AKNA: variants seen among roughly 807,000 people sequenced by gnomAD.
AKNA encodes the protein AT-hook transcription factor.
AKNA carries 67 observed loss-of-function variants against 138.8 expected under a neutral mutation model. The ratio of observed to expected loss-of-function variants is 0.48; its 90% confidence interval spans 0.40 to 0.59. AKNA has a LOEUF of 0.59. AKNA is among the 20% of genes least tolerant of loss of function. The pLI is 0.00. For missense variants in AKNA, 1,813 were observed against 1,880.4 expected (o/e 0.96, Z 0.66); for synonymous variants, 737 against 754.4 (o/e 0.98, Z 0.38).
At position 114,381,233 on chromosome 9, in the gene AKNA, T is replaced by C; in HGVS notation, c.101A>G (p.Asp34Gly). Residue 34 changes from aspartate to glycine, a missense_variant, in exon 2 of 22, where the codon GAT (aspartate) becomes GGT (glycine). Transcript: ENST00000374088. Reference protein sequence around the residue: ...WAWAEDKRDVDRSSSQSWEEE... With the variant: ...WAWAEDKRDVGRSSSQSWEEE... ...TTCCCAGCTTTGTGAACTACTTCTA[T>C]CCACATCCCTCTTGTCCTCGGCCCA... 1 of 1,614,168 alleles carries C rather than the reference T, an allele frequency of 6.2e-7. No homozygotes were observed. The highest frequency in any genetic ancestry group is 8.5e-7 in the Non-Finnish European group (1 of 1,180,022).
At chr9:114,388,556 G>A (rs866063429), upstream of AKNA, among the ~76,000 whole-genome samples, 2 of 152,182 alleles carry the variant, frequency 1.3e-5, no homozygotes, top group African/African-American at 2.4e-5. Flanking sequence ...TGGGATGTTC[G>A]GGGCAGCATG....
At chr9:114,369,856 C>T (rs535044762) in intron 4 of AKNA, among the ~76,000 whole-genome samples, 103 of 152,328 alleles carry the variant, frequency 6.8e-4, no homozygotes, top group Non-Finnish European at 1.2e-3. Flanking sequence ...CCACCATCAT[C>T]ACCATTTTTA....
At chr9:114,386,226 T>C (rs1834020903) in intron 1 of AKNA, among the ~76,000 whole-genome samples, 1 of 152,144 alleles carries the variant, frequency 6.6e-6, no homozygotes, top group Non-Finnish European at 1.5e-5. Flanking sequence ...CTACGTAAGA[T>C]GCAAAGAATA....
At position 114,367,682 on chromosome 9, in the gene AKNA, C is replaced by T. The variant is rs111580636; in HGVS notation, c.1589G>A (p.Arg530Gln). 4.1e-5 allele frequency: 64 copies of T among 1,574,978 alleles called. No homozygotes were observed. The highest frequency in any genetic ancestry group is 3.7e-4 in the African/African-American group (27 of 73,616). Residue 530 changes from arginine (R) to glutamine (Q), a missense_variant, in exon 6 of 22, where the codon CGA (arginine) becomes CAA (glutamine). Physicochemically the swap from Arg to Gln is conservative, Grantham distance 43. Transcript: ENST00000374088. ...ASAASGWPSA[R>Q]GDLSPSSLTS... ...AAGCGAGGAGGGGCTCAAGTCTCCT[C>T]GAGCTGATGGCCACCCTGGAATACA...
At position 114,357,903 on chromosome 9, in the gene AKNA, C is replaced by T. The variant is rs1381131504; in HGVS notation, c.2739+18G>A. ...TGACCCTGAGGTTCTGGGCCCATTC[C>T]CCCATGTGGAGACTTACCTCCAGGT... is the stretch of plus-strand genomic sequence containing the variant. On this transcript the variant is annotated intron_variant, in intron 12 of 21. Transcript: ENST00000374088. 2 of 1,593,486 alleles carry T rather than the reference C, an allele frequency of 1.3e-6. No homozygotes were observed. The highest frequency in any genetic ancestry group is 1.7e-6 in the Non-Finnish European group (2 of 1,174,556).
chr9:114,367,781 A>T, intron 5 of AKNA, 84 bp from the exon 6 acceptor site: 2 of 1,423,740 alleles, frequency 1.4e-6, no homozygotes, highest in East Asian at 4.9e-5. Context: ...CAAAGCCACC[A>T]CCTCCATCAT....
At chr9:114,375,424 T>A (rs1046212181) in intron 3 of AKNA, among the ~76,000 whole-genome samples, 1 of 152,130 alleles carries the variant, frequency 6.6e-6, no homozygotes, top group African/African-American at 2.4e-5. Flanking sequence ...CCAAATGCAA[T>A]ATACAAGCCA....
chr9:114,341,778 C>T, intron 20 of AKNA, 53 bp from the exon 21 acceptor site: 3 of 1,519,250 alleles, frequency 2.0e-6, no homozygotes, highest in South Asian at 2.6e-5. Context: ...TTGGCAGATC[C>T]AGCCAAAGAT....
chr9:114,350,657 A>C (rs1472799124), intron 15 of AKNA, among the ~76,000 whole-genome samples: 2 of 152,200 alleles, frequency 1.3e-5, no homozygotes, highest in Non-Finnish European at 2.9e-5. Flanking sequence ...CACTGGCTGG[A>C]GAAGTGTGTC....
intron 4 of AKNA, among the ~76,000 whole-genome samples, chr9:114,370,524 G>C (rs1294117818): frequency 6.6e-6 from 1 of 152,224 alleles, no homozygotes; most frequent in Admixed American, 6.5e-5. Context: ...GCGATGAGGT[G>C]GGGAGTGGCG....
chr9:114,377,154 G>A lies in AKNA; in HGVS notation c.653C>T (p.Thr218Ile), dbSNP rs200380754. 1 of 1,614,170 alleles carries A rather than the reference G, an allele frequency of 6.2e-7. No individual in the cohort carries two copies. The highest frequency in any genetic ancestry group is 1.1e-5 in the South Asian group (1 of 91,088). ...LDHPSDSLDS[T>I]WEGETDGPQP... ...GGGGCCATCGGTCTCTCCTTCCCAG[G>A]TAGAATCAAGGCTGTCACTAGGGTG... Residue 218 changes from threonine to isoleucine, a missense_variant, in exon 3 of 22, where the codon ACC becomes ATC. Thr to Ile is a moderately conservative substitution (Grantham distance 89, BLOSUM62 -1). Transcript: ENST00000374088.
At position 114,393,213 on chromosome 9, in the gene AKNA, CTTT is replaced by C. The variant is rs869060529; in HGVS notation, c.-114+1141_-114+1143del. Among the ~76,000 whole-genome samples the C allele has an allele frequency of 1.6e-4, 21 of 132,138 alleles. No homozygotes were observed. In the South Asian group the frequency reaches 1.7e-3, roughly 11 times the overall value. The allele number at this position is 132,138 out of a possible 152,430, so 86.7% of individuals were successfully genotyped here. A position where few individuals can be genotyped will look rare whatever the true frequency, so the allele number is the denominator to read the frequency against. Reference sequence around the variant, plus strand: ...GCTGTTTGAATCTGGACAGTATAATCTTTTTTTTTTTTTTTTTTTGGAGATGGA... The same window carrying C: ...GCTGTTTGAATCTGGACAGTATAATCTTTTTTTTTTTTTTTTGGAGATGGA... On this transcript the variant is annotated intron_variant, in intron 1 of 21. Coordinates refer to the AKNA transcript ENST00000307564.
rs1831622578 is a variant in AKNA, at chr9:114,357,940, C to T, written c.2720G>A (p.Gly907Asp). ...ACTTACCTCCAGGTGGGGCCCACCG[C>T]CTCGGTGCAAAGGCTTCTGTGGAAG... is the stretch of plus-strand genomic sequence containing the variant. ...ERLPQKPLHR[G>D]GGPHLEETWM... Residue 907 changes from glycine (G) to aspartate (D), a missense_variant, in exon 12 of 22, where the codon GGC (glycine) becomes GAC (aspartate). Gly to Asp is a moderately conservative substitution (Grantham distance 94). Transcript: ENST00000374088. The T allele has an allele frequency of 6.3e-7, 1 of 1,599,190 alleles. No homozygotes were observed. Among genetic ancestry groups the T allele is most frequent in the African/African-American group, 1.4e-5 (1 of 73,652 alleles).
chr9:114,358,332 G>T, intron 11 of AKNA, 165 bp from the exon 12 acceptor site: 1 of 863,434 alleles, frequency 1.2e-6, no homozygotes, highest in Non-Finnish European at 1.7e-6. Context: ...CCTAGGGCAA[G>T]GCACTTCCCC....
At chr9:114,367,452 C>T (rs1332610455) in intron 6 of AKNA, 91 bp downstream of exon 6, 2 of 1,449,906 alleles carry the variant, frequency 1.4e-6, no homozygotes, top group African/African-American at 1.4e-5. Context: ...ACAAGTGAGA[C>T]TCCCAGAGTG....
Position 114,335,189 on chromosome 9 carries a change from CAG to C in AKNA, c.*1863_*1864del, listed in dbSNP as rs1402212122. Reference sequence around the variant, plus strand: ...AGAAAAAGCCACGTGAGGAAGAAACCAGAGGTCAAGAGAAAAAGAATCATGGA... The same window carrying C: ...AGAAAAAGCCACGTGAGGAAGAAACCAGGTCAAGAGAAAAAGAATCATGGA... On this transcript the variant is annotated 3_prime_UTR_variant, in exon 22 of 22. Transcript: ENST00000374088. 1 of 151,896 alleles carries C rather than the reference CAG, an allele frequency of 6.6e-6. No homozygotes were observed. Among genetic ancestry groups the C allele is most frequent in the Admixed American group, 6.5e-5 (1 of 15,268 alleles). The allele number at this position is 151,896 out of a possible 1,614,324, so 9.4% of individuals were successfully genotyped here.
intron 3 of AKNA, chr9:114,376,214 C>G: frequency 2.8e-6 from 1 of 362,662 alleles, no homozygotes; most frequent in Non-Finnish European, 5.2e-6. Flanking sequence ...CAGGCTCTAC[C>G]CCAGGGCTCC....
At chr9:114,385,103 C>T (rs1459173984) in intron 1 of AKNA, among the ~76,000 whole-genome samples, 1 of 152,196 alleles carries the variant, frequency 6.6e-6, no homozygotes, top group Non-Finnish European at 1.5e-5. Flanking sequence ...ATCCTCCTGC[C>T]TCGGCCTCCC....
chr9:114,362,619 G>A (rs1300539357), intron 7 of AKNA, 86 bp from the exon 8 acceptor site: 37 of 1,456,074 alleles, frequency 2.5e-5, no homozygotes, highest in East Asian at 5.1e-5. Flanking sequence ...GACAGCTTGC[G>A]GGAGGCCATG....
Sources: allele counts gnomAD v4.1 joint callset (sites outside exome capture counted in the v4.1 genomes callset), GRCh38; gene constraint gnomAD v4.1.1; transcripts MANE v1.5; gene names NCBI Gene and HGNC (gene_info 2026-07-23, HGNC 2026-07-21).